SLC16A2: variants seen among roughly 807,000 people sequenced by gnomAD.
The protein encoded by SLC16A2 is solute carrier family 16 member 2.
Under a neutral mutation model 27.2 loss-of-function variants are expected in SLC16A2, and 3 were observed. The observed-to-expected ratio is 0.11, with a 90% CI of 0.05 to 0.28. The LOEUF is 0.28. Among genes scored for constraint, SLC16A2 ranks in the 10% least tolerant of loss-of-function variants. The pLI is 1.00. For synonymous variants in SLC16A2, 202 were observed against 187.8 expected, an observed-to-expected ratio of 1.08 and a Z score of -0.62; for missense variants, 295 against 458.5, an observed-to-expected ratio of 0.64 and a Z score of 3.26.
chrX:74,509,487 CT>C (rs1248760325), intron 1 of SLC16A2, among the ~76,000 whole-genome samples: 1 of 111,912 alleles, frequency 8.9e-6, no homozygotes, highest in Non-Finnish European at 1.9e-5. Flanking sequence ...TCTGGTATAA[CT>C]GCATATTGCA....
intron 1 of SLC16A2, among the ~76,000 whole-genome samples, chrX:74,499,042 G>A (rs996953947): frequency 2.7e-5 from 3 of 112,105 alleles, no homozygotes; most frequent in African/African-American, 9.7e-5. Context: ...GCACAGGCAT[G>A]GTGGCATTGG....
At chrX:74,473,999 T>C in intron 1 of SLC16A2, 1 of 227,753 alleles carries the variant, frequency 4.4e-6, no homozygotes. Context: ...CTCAGCAGTG[T>C]CCATGGGCAG....
intron 1 of SLC16A2, among the ~76,000 whole-genome samples, chrX:74,495,207 G>A (rs1435790837): frequency 9.0e-6 from 1 of 111,647 alleles, no homozygotes; most frequent in Non-Finnish European, 1.9e-5. Context: ...TGTGTGTGTG[G>A]CAGGGGAGGG....
intron 1 of SLC16A2, among the ~76,000 whole-genome samples, chrX:74,425,570 C>T (rs1397862777): frequency 9.0e-6 from 1 of 110,718 alleles, no homozygotes; most frequent in Non-Finnish European, 1.9e-5. Flanking sequence ...AAAGTAAAGG[C>T]CCAAGCATAG....
chrX:74,489,168 A>G (rs190542781), intron 1 of SLC16A2, among the ~76,000 whole-genome samples: 8 of 112,052 alleles, frequency 7.1e-5, no homozygotes, highest in Admixed American at 1.9e-4. Context: ...GGTGTTAGTC[A>G]TTCTTTAAGT....
intron 4 of SLC16A2, 90 bp from the exon 5 acceptor site, chrX:74,529,123 T>C (rs987762264): frequency 3.3e-6 from 2 of 610,987 alleles, no homozygotes; most frequent in Non-Finnish European, 5.3e-6. Flanking sequence ...ATTTTATAGA[T>C]GGTAGAAATG....
chrX:74,432,772 C>T (rs1928555881), intron 1 of SLC16A2, among the ~76,000 whole-genome samples: 1 of 111,787 alleles, frequency 8.9e-6, no homozygotes, highest in East Asian at 2.8e-4. Context: ...AGGCTGCTGT[C>T]GCATTAGGTG....
In SLC16A2 at chrX:74,479,124, T is replaced by C. The variant is rs1192862795; in HGVS notation, c.431-41866T>C. ...TCCCCGTCACTTTCAGGTACACCAA[T>C]CAGATGTAGATTTGGTCTTTTCACA... On this transcript the variant is annotated intron_variant, in intron 1 of 5. Transcript: ENST00000587091. 2.7e-5 allele frequency among the ~76,000 whole-genome samples: 3 copies of C among 112,231 alleles called. No individual in the cohort carries two copies. In the East Asian group the frequency reaches 8.4e-4, roughly 31 times the overall value.
At chrX:74,508,114 A>G (rs182519994) in intron 1 of SLC16A2, among the ~76,000 whole-genome samples, 1 of 112,314 alleles carries the variant, frequency 8.9e-6, no homozygotes, top group East Asian at 2.8e-4. Flanking sequence ...TCCTACCAAC[A>G]GTGTAATTTT....
chrX:74,521,091 G>A lies in SLC16A2; in HGVS notation c.532G>A (p.Ala178Thr), dbSNP rs777840527. 9.1e-6 allele frequency: 11 copies of A among 1,211,811 alleles called. No individual in the cohort carries two copies. The highest frequency in any genetic ancestry group is 1.2e-5 in the Non-Finnish European group (11 of 895,415). Residue 178 changes from alanine (A) to threonine (T), a missense_variant, in exon 2 of 6, where the codon GCT (alanine) becomes ACT (threonine). Physicochemically the swap from Ala to Thr is moderately conservative, Grantham distance 58. Transcript: ENST00000587091. ...CTGCCGAATCACAGCAACCGCGGGG[G>A]CTGCCGTTGCTTTCATTGGCCTCCA... is the stretch of plus-strand genomic sequence containing the variant. Reference protein sequence around the residue: ...LGCRITATAGAAVAFIGLHTS... With the variant: ...LGCRITATAGTAVAFIGLHTS...
Position 74,531,786 on chromosome X carries a change from A to G in SLC16A2, c.*233A>G. 2.2e-6 allele frequency: 1 copy of G among 448,111 alleles called. No individual in the cohort carries two copies. Among genetic ancestry groups the G allele is most frequent in the Non-Finnish European group, 3.9e-6 (1 of 254,222 alleles). 36.9% of individuals were successfully genotyped at this position (448,111 alleles called of 1,213,427 possible). ...CCTTTCTCCTCCCAGGATCTGGGAA[A>G]GCTTGGGAACCACCCCTGGCCTTTG... On this transcript the variant is annotated 3_prime_UTR_variant, in exon 6 of 6. Transcript: ENST00000587091.
chrX:74,512,981 A>G (rs1254766141), intron 1 of SLC16A2, among the ~76,000 whole-genome samples: 2 of 111,416 alleles, frequency 1.8e-5, no homozygotes, highest in Non-Finnish European at 1.9e-5. Flanking sequence ...CCATGATACC[A>G]TAGGAGAGGG....
At chrX:74,458,773 C>T (rs796623902) in intron 1 of SLC16A2, among the ~76,000 whole-genome samples, 2 of 111,719 alleles carry the variant, frequency 1.8e-5, no homozygotes, top group South Asian at 7.5e-4. Context: ...CAATATTTCC[C>T]CATTCCCCAC....
chrX:74,522,088 C>T (rs924813743), intron 2 of SLC16A2, among the ~76,000 whole-genome samples: 7 of 111,536 alleles, frequency 6.3e-5, no homozygotes, highest in South Asian at 3.7e-4. Flanking sequence ...CTGCTTGGGC[C>T]GATGTAGGGG....
Position 74,533,608 on chromosome X carries a change from G to A in SLC16A2, c.*2055G>A, listed in dbSNP as rs1930605810. On this transcript the variant is annotated 3_prime_UTR_variant, in exon 6 of 6. Coordinates refer to ENST00000587091, the MANE Select transcript of SLC16A2 (RefSeq NM_006517.5). ...AGATGCAGATGGCTCTTAAGAATCA[G>A]GCAGTCGCCCACTTCTCTCCAGATG... 8.9e-6 allele frequency: 1 copy of A among 112,662 alleles called. No homozygotes were observed. Among genetic ancestry groups the A allele is most frequent in the South Asian group, 3.7e-4 (1 of 2,708 alleles). 9.3% of individuals were successfully genotyped at this position (112,662 alleles called of 1,213,427 possible). A position where few individuals can be genotyped will look rare whatever the true frequency, so the allele number is the denominator to read the frequency against.
At chrX:74,467,640 A>G (rs1341322525) in intron 1 of SLC16A2, among the ~76,000 whole-genome samples, 1 of 112,087 alleles carries the variant, frequency 8.9e-6, no homozygotes, top group Non-Finnish European at 1.9e-5. Context: ...CTCAGAAAAG[A>G]CAATTAAGAA....
intron 1 of SLC16A2, among the ~76,000 whole-genome samples, chrX:74,501,605 C>T (rs1209773528): frequency 9.0e-6 from 1 of 111,267 alleles, no homozygotes; most frequent in Non-Finnish European, 1.9e-5. Flanking sequence ...CCCTCTGCTC[C>T]AGCAAAAGTT....
At chrX:74,486,391 C>T (rs951970920) in intron 1 of SLC16A2, among the ~76,000 whole-genome samples, 1 of 112,243 alleles carries the variant, frequency 8.9e-6, no homozygotes, top group Non-Finnish European at 1.9e-5. Flanking sequence ...CTTGTTTTAT[C>T]AGCTGTTTAG....
At chrX:74,516,560 T>C (rs1245628060) in intron 1 of SLC16A2, among the ~76,000 whole-genome samples, 6 of 111,415 alleles carry the variant, frequency 5.4e-5, no homozygotes, top group Non-Finnish European at 1.1e-4. Context: ...TATGATGTGA[T>C]ACCATTATAT....
Sources: allele counts gnomAD v4.1 joint callset (sites outside exome capture counted in the v4.1 genomes callset), GRCh38; gene constraint gnomAD v4.1.1; transcripts MANE v1.5; gene names NCBI Gene and HGNC (gene_info 2026-07-23, HGNC 2026-07-21).